Variants in STX6 observed in about 807,000 individuals in gnomAD.
The protein encoded by STX6 is syntaxin-6.
Under a neutral mutation model 38.0 loss-of-function variants are expected in STX6, and 23 were observed. That is an observed-to-expected ratio of 0.60 (90% CI 0.43 to 0.86). The LOEUF (loss-of-function observed/expected upper bound fraction) is 0.86. Ranked by LOEUF, STX6 falls within the 40% of genes least tolerant of loss-of-function variation. The pLI is 0.00. For synonymous variants in STX6, 123 were observed against 107.5 expected (o/e 1.14, Z -0.89); for missense variants, 274 against 312.9 (o/e 0.88, Z 0.94).
chr1:181,010,021 G>A (rs1190405743), intron 1 of STX6, among the ~76,000 whole-genome samples: 3 of 152,138 alleles, frequency 2.0e-5, no homozygotes, highest in Non-Finnish European at 1.5e-5. Flanking sequence ...TTCCGGAAAA[G>A]GCAAAATTAT....
At chr1:180,977,551 T>C (rs1364243164) in intron 7 of STX6, among the ~76,000 whole-genome samples, 4 of 152,200 alleles carry the variant, frequency 2.6e-5, no homozygotes, top group Non-Finnish European at 5.9e-5. Flanking sequence ...TGGAGACATG[T>C]AGAAAAAATG....
intron 2 of STX6, among the ~76,000 whole-genome samples, chr1:181,003,818 C>T (rs1656150345): frequency 6.6e-6 from 1 of 152,168 alleles, no homozygotes; most frequent in African/African-American, 2.4e-5. Flanking sequence ...TACAGTTCTC[C>T]AGTGCATGAG....
chr1:181,015,300 C>G (rs1428729852), intron 1 of STX6, among the ~76,000 whole-genome samples: 2 of 152,186 alleles, frequency 1.3e-5, no homozygotes, highest in Non-Finnish European at 2.9e-5. Flanking sequence ...CCAAATTAAT[C>G]ATATCCTCCC....
intron 3 of STX6, among the ~76,000 whole-genome samples, chr1:181,001,102 T>C (rs1278736801): frequency 6.6e-6 from 1 of 152,206 alleles, no homozygotes; most frequent in Non-Finnish European, 1.5e-5. Flanking sequence ...CGTATATGTA[T>C]ATAGAAAGGC....
At position 181,022,742 on chromosome 1, in the gene STX6, G is replaced by T. The variant is rs1003610584; in HGVS notation, c.-69C>A. The T allele has an allele frequency of 4.6e-5, 67 of 1,459,500 alleles. No homozygotes were observed. The highest frequency in any genetic ancestry group is 6.3e-5 in the Non-Finnish European group (67 of 1,068,298). 90.4% of individuals were successfully genotyped at this position (1,459,500 alleles called of 1,614,324 possible). A position where few individuals can be genotyped will look rare whatever the true frequency, so the allele number is the denominator to read the frequency against. ...CGCCCGTGCCTCCCGGTCTCCCTCCGCCCACCCCGCCTGTTCCCGCAGCTG... is the reference window on the plus strand; with the variant it reads ...CGCCCGTGCCTCCCGGTCTCCCTCCTCCCACCCCGCCTGTTCCCGCAGCTG... On this transcript the variant is annotated 5_prime_UTR_variant, in exon 1 of 8. Coordinates refer to ENST00000258301, the MANE Select transcript of STX6 (RefSeq NM_005819.6).
At chr1:180,993,488 T>C (rs1655813807) in intron 3 of STX6, 63 bp from the exon 4 acceptor site, 2 of 874,646 alleles carry the variant, frequency 2.3e-6, no homozygotes, top group Non-Finnish European at 3.7e-6. Context: ...ACAGTTAACA[T>C]TTCATACATT....
chr1:181,005,293 T>C lies in STX6; in HGVS notation c.205+1A>G, dbSNP rs746547334. 6.2e-7 allele frequency: 1 copy of C among 1,613,336 alleles called. No individual in the cohort carries two copies. Among genetic ancestry groups the C allele is most frequent in the Non-Finnish European group, 8.5e-7 (1 of 1,179,546 alleles). On this transcript the variant is annotated splice_donor_variant, in intron 2 of 7. Coordinates refer to ENST00000258301, the MANE Select transcript of STX6 (RefSeq NM_005819.6). LOFTEE classifies it high-confidence loss of function. ...GGCACAGACACCACAGAAAAGGATATTGATGGTTTCATCAAGGTCCTCTAG... is the reference window on the plus strand; with the variant it reads ...GGCACAGACACCACAGAAAAGGATACTGATGGTTTCATCAAGGTCCTCTAG...
intron 1 of STX6, among the ~76,000 whole-genome samples, chr1:181,014,393 C>CAAA (rs11334153): frequency 7.2e-6 from 1 of 138,758 alleles, no homozygotes. Context: ...GACTCCATCT[C>CAAA]AAAAAAAAAA....
intron 1 of STX6, among the ~76,000 whole-genome samples, chr1:181,008,727 G>GT (rs55654509): frequency 0.017 from 1,842 of 108,702 alleles, 28 homozygotes; most frequent in South Asian, 0.047. Flanking sequence ...TTCCAAAATT[G>GT]TTTTTTTTTT....
At chr1:180,994,604 G>A (rs945142725) in intron 3 of STX6, among the ~76,000 whole-genome samples, 1 of 152,214 alleles carries the variant, frequency 6.6e-6, no homozygotes, top group African/African-American at 2.4e-5. Context: ...CTCATAAGTG[G>A]ATGAGATTTC....
chr1:180,995,698 TAATAA>T (rs1249707726), intron 3 of STX6, among the ~76,000 whole-genome samples: 1 of 152,156 alleles, frequency 6.6e-6, no homozygotes, highest in African/African-American at 2.4e-5. Flanking sequence ...TCTACAAAAT[TAATAA>T]AATAAAAATA....
intron 2 of STX6, 141 bp downstream of exon 2, chr1:181,005,153 T>C: frequency 6.8e-7 from 1 of 1,461,742 alleles, no homozygotes; most frequent in East Asian, 2.3e-5. Context: ...GCAAATACTT[T>C]AAACATGTCA....
At position 180,976,628 on chromosome 1, in the gene STX6, G is replaced by A; in HGVS notation, c.710C>T (p.Ala237Val). 1 of 1,613,544 alleles carries A rather than the reference G, an allele frequency of 6.2e-7. No homozygotes were observed. The highest frequency in any genetic ancestry group is 8.5e-7 in the Non-Finnish European group (1 of 1,180,006). ...CAGGACTGCAAAGAGGATGGCTATGGCACACCATTGGCGCCGATCTGGAAG... is the reference window on the plus strand; with the variant it reads ...CAGGACTGCAAAGAGGATGGCTATGACACACCATTGGCGCCGATCTGGAAG... ...HMTSDRRQWCAIAILFAVLLV... is the reference protein window; with the variant it reads ...HMTSDRRQWCVIAILFAVLLV... Residue 237 changes from alanine (A) to valine (V), a missense_variant, in exon 8 of 8, where the codon GCC becomes GTC. Physicochemically the swap from Ala to Val is moderately conservative, Grantham distance 64. Coordinates refer to ENST00000258301, the MANE Select transcript of STX6 (RefSeq NM_005819.6).
chr1:181,015,291 C>A (rs1656524088), intron 1 of STX6, among the ~76,000 whole-genome samples: 1 of 152,152 alleles, frequency 6.6e-6, no homozygotes, highest in Non-Finnish European at 1.5e-5. Flanking sequence ...TGCCTAAAAC[C>A]AAATTAATCA....
At chr1:181,005,615 A>G in intron 1 of STX6, 152 bp from the exon 2 acceptor site, 3 of 657,836 alleles carry the variant, frequency 4.6e-6, no homozygotes, top group South Asian at 2.3e-5. Context: ...TCAAAGTTCA[A>G]AACTTTGATA....
intron 2 of STX6, among the ~76,000 whole-genome samples, chr1:181,003,965 C>G (rs1656154060): frequency 6.6e-6 from 1 of 152,214 alleles, no homozygotes; most frequent in African/African-American, 2.4e-5. Flanking sequence ...AACATGAAGA[C>G]AGTCTACAAA....
At chr1:180,984,077 A>C (rs946873759) in intron 7 of STX6, among the ~76,000 whole-genome samples, 4 of 148,692 alleles carry the variant, frequency 2.7e-5, no homozygotes, top group South Asian at 4.3e-4. Flanking sequence ...AAAAAAAAAA[A>C]AAAAAAAAAA....
At chr1:180,995,295 CTA>C (rs748394098) in intron 3 of STX6, among the ~76,000 whole-genome samples, 11 of 152,108 alleles carry the variant, frequency 7.2e-5, no homozygotes, top group Non-Finnish European at 1.3e-4. Context: ...CCCTAGGCCC[CTA>C]TGAGACCTAC....
rs577157574 is a variant in STX6, at chr1:180,984,722, C to A, written c.646G>T (p.Asp216Tyr). Residue 216 changes from aspartate to tyrosine, a missense_variant, in exon 7 of 8, where the codon GAC becomes TAC. Transcript: ENST00000258301. ...TTTGCAAGTTTCTTCATCACATTGT[C>A]CAGCCGGGACTGAGTGCTCTCCAAT... ...HELESTQSRL[D>Y]NVMKKLAKVS... The A allele has an allele frequency of 6.3e-7, 1 of 1,598,984 alleles. No homozygotes were observed. The highest frequency in any genetic ancestry group is 1.7e-4 in the Middle Eastern group (1 of 6,026).
Sources: allele counts gnomAD v4.1 joint callset (sites outside exome capture counted in the v4.1 genomes callset), GRCh38; gene constraint gnomAD v4.1.1; transcripts MANE v1.5; gene names NCBI Gene and HGNC (gene_info 2026-07-23, HGNC 2026-07-21).